WNK1: variants seen among roughly 807,000 people sequenced by gnomAD.
WNK1 encodes serine/threonine-protein kinase WNK1.
Under a neutral mutation model 222.8 loss-of-function variants are expected in WNK1, and 38 were observed. That is an observed-to-expected ratio of 0.17 (90% CI 0.13 to 0.22). The LOEUF is 0.22. Ranked by LOEUF, WNK1 falls within the 10% of genes least tolerant of loss-of-function variation. The pLI is 1.00. For missense variants in WNK1, 2,348 were observed against 2,918.4 expected (o/e 0.80, Z 4.50); for synonymous variants, 1,090 against 1,092.9 (o/e 1.00, Z 0.05).
chr12:792,139 A>T (rs766157203), intron 1 of WNK1, among the ~76,000 whole-genome samples: 1 of 152,258 alleles, frequency 6.6e-6, no homozygotes, highest in South Asian at 2.1e-4. Context: ...TTGTCAAGGC[A>T]AAGTTTTTTG....
chr12:890,484 C>T lies in WNK1; in HGVS notation c.5480C>T (p.Thr1827Ile), dbSNP rs760439565. ...TCCATGGCGGCTCCAACAGCAATCA[C>T]AGAAGCAGGAACACAGCCTCAGAAG... is the stretch of plus-strand genomic sequence containing the variant. ...PVSMAAPTAI[T>I]EAGTQPQKGV... Residue 1827 changes from threonine (T) to isoleucine (I), a missense_variant, in exon 22 of 28, where the codon ACA (threonine) becomes ATA (isoleucine). By Grantham distance (89) the Thr-to-Ile change is moderately conservative. Coordinates refer to ENST00000315939, the MANE Select transcript of WNK1 (RefSeq NM_018979.4). The T allele has an allele frequency of 1.4e-5, 22 of 1,614,152 alleles. No individual in the cohort carries two copies. The highest frequency in any genetic ancestry group is 1.8e-5 in the Non-Finnish European group (21 of 1,180,018).
chr12:842,469 C>G (rs2154043301), intron 4 of WNK1, among the ~76,000 whole-genome samples: 2 of 152,222 alleles, frequency 1.3e-5, no homozygotes, highest in Middle Eastern at 3.4e-3. Flanking sequence ...CATTATGGGG[C>G]TAGGTCTGTA....
intron 15 of WNK1, 44 bp from the exon 16 acceptor site, chr12:883,351 T>G: frequency 1.2e-6 from 2 of 1,605,388 alleles, no homozygotes; most frequent in Non-Finnish European, 1.7e-6. Context: ...ACATAAAGTT[T>G]GAGAAATGAC....
Position 885,098 on chromosome 12 carries a change from C to A in WNK1, c.4294C>A (p.Gln1432Lys). 9 of 1,614,238 alleles carry A rather than the reference C, an allele frequency of 5.6e-6. No individual in the cohort carries two copies. Among genetic ancestry groups the A allele is most frequent in the Non-Finnish European group, 7.6e-6 (9 of 1,180,034 alleles). ...AATATCTACTACATCCCCGTCACTTCAAGTCCCCACATCCACATCTGAGAT... is the reference window on the plus strand; with the variant it reads ...AATATCTACTACATCCCCGTCACTTAAAGTCCCCACATCCACATCTGAGAT... ...VSISTTSPSL[Q>K]VPTSTSEIVV... Residue 1432 changes from glutamine to lysine, a missense_variant, in exon 19 of 28, where the codon CAA becomes AAA. Physicochemically the swap from Gln to Lys is moderately conservative, Grantham distance 53. Around this residue, in one of 13 missense-constraint regions of WNK1, gnomAD observed 1,144 missense variants for 1,273.6 expected, o/e 0.90. Transcript: ENST00000315939.
intron 2 of WNK1, among the ~76,000 whole-genome samples, chr12:817,877 C>T (rs989410424): frequency 6.6e-6 from 1 of 151,676 alleles, no homozygotes; most frequent in Non-Finnish European, 1.5e-5. Context: ...CGCTTGACCC[C>T]GGAAGTGGAG....
intron 1 of WNK1, among the ~76,000 whole-genome samples, chr12:807,748 C>G (rs984097322): frequency 1.9e-5 from 2 of 105,828 alleles, no homozygotes; most frequent in Non-Finnish European, 3.5e-5. Flanking sequence ...GAGACGGAAT[C>G]TGGCTCTGTG....
At chr12:786,730 G>C (rs947305394) in intron 1 of WNK1, among the ~76,000 whole-genome samples, 12 of 152,150 alleles carry the variant, frequency 7.9e-5, no homozygotes, top group African/African-American at 2.9e-4. Context: ...GCCTCCCAAA[G>C]TGCTGGGATT....
rs538136700 is a variant in WNK1 at position 778,621 on chromosome 12, G to C, written c.759+24297G>C. Among the ~76,000 whole-genome samples the C allele has an allele frequency of 2.7e-4, 41 of 150,094 alleles. 1 individual carries two copies. Among genetic ancestry groups the C allele is most frequent in the Admixed American group, 4.0e-4 (6 of 14,982 alleles). On this transcript the variant is annotated intron_variant, in intron 1 of 27. Transcript: ENST00000315939. ...GCTGGGATTACAGGTGTGAGCCACC[G>C]TGCCCGGCCAATGATCTTTTTTTTT...
chr12:827,581 T>C lies in WNK1; in HGVS notation c.1153+319T>C, dbSNP rs1948455923. ...TCTCTCTCTGTCACCCAGGCTAGAG[T>C]GCAGTGGCACAATCTCAGCTCACTG... On this transcript the variant is annotated intron_variant, in intron 3 of 27. Coordinates refer to ENST00000315939, the MANE Select transcript of WNK1 (RefSeq NM_018979.4). This position sits in a 1 kb window ranked among gnomAD's most constrained non-coding sequence, Gnocchi z 4.6. The C allele has an allele frequency of 1.8e-5, 7 of 397,264 alleles. No individual in the cohort carries two copies. The South Asian group carries it at 2.5e-4, about 14-fold the overall frequency. 24.6% of individuals were successfully genotyped at this position (397,264 alleles called of 1,614,324 possible).
intron 1 of WNK1, among the ~76,000 whole-genome samples, chr12:788,839 A>T (rs1333136067): frequency 1.3e-5 from 2 of 151,340 alleles, no homozygotes; most frequent in East Asian, 3.9e-4. Context: ...GTGAGCCGAG[A>T]TCGTGCCACT....
At chr12:810,372 C>T (rs1172129727) in intron 1 of WNK1, among the ~76,000 whole-genome samples, 1 of 152,094 alleles carries the variant, frequency 6.6e-6, no homozygotes, top group Non-Finnish European at 1.5e-5. Flanking sequence ...ACACTTTTCT[C>T]CACCCATATT....
chr12:757,927 C>T (rs980960546), intron 1 of WNK1, among the ~76,000 whole-genome samples: 9 of 144,530 alleles, frequency 6.2e-5, no homozygotes, highest in African/African-American at 2.2e-4. Context: ...CCCAGCTACT[C>T]GAGAGGCTGA....
At chr12:857,825 C>T (rs1006172995) in intron 5 of WNK1, among the ~76,000 whole-genome samples, 5 of 152,340 alleles carry the variant, frequency 3.3e-5, no homozygotes, top group Admixed American at 2.0e-4. Flanking sequence ...GTAGCTGATT[C>T]ATCACCCGTC....
intron 1 of WNK1, among the ~76,000 whole-genome samples, chr12:811,041 G>A (rs1056292284): frequency 6.6e-6 from 1 of 152,092 alleles, no homozygotes; most frequent in Non-Finnish European, 1.5e-5. Context: ...TTATATTGAA[G>A]GTAATGAATG....
At chr12:851,574 A>G in intron 4 of WNK1, 1 of 1,196,028 alleles carries the variant, frequency 8.4e-7, no homozygotes, top group Non-Finnish European at 1.1e-6. Flanking sequence ...AGTGTTAAAC[A>G]AGAAACTGTG....
intron 5 of WNK1, among the ~76,000 whole-genome samples, chr12:858,274 C>G (rs1950939957): frequency 6.6e-6 from 1 of 151,796 alleles, no homozygotes; most frequent in Non-Finnish European, 1.5e-5. Flanking sequence ...ACTGCAACCT[C>G]TGCCTTCCAG....
chr12:895,585 A>G (rs1954668383), intron 23 of WNK1, among the ~76,000 whole-genome samples: 1 of 152,016 alleles, frequency 6.6e-6, no homozygotes, highest in Admixed American at 6.6e-5. Flanking sequence ...CAGCCTCCCA[A>G]GTAGCTGGGA....
At chr12:829,210 T>G (rs72648625) in intron 3 of WNK1, among the ~76,000 whole-genome samples, 9 of 152,308 alleles carry the variant, frequency 5.9e-5, no homozygotes, top group Admixed American at 2.0e-4. Flanking sequence ...TCTGGAAGCA[T>G]TACAAAACCT....
chr12:807,335 C>G (rs1946459787), intron 1 of WNK1, among the ~76,000 whole-genome samples: 2 of 145,078 alleles, frequency 1.4e-5, no homozygotes, highest in Non-Finnish European at 3.0e-5. Context: ...AGTCCTCCCT[C>G]TTTTGCTTTT....
Sources: gnomAD v4.1 joint callset for allele counts (sites outside exome capture counted in the v4.1 genomes callset) on GRCh38, gnomAD v4.1.1 for gene constraint, gnomAD v4.1.1 regional missense constraint, Gnocchi (gnomAD v3.1) non-coding constraint, MANE v1.5 for transcripts, NCBI Gene and HGNC (gene_info 2026-07-23, HGNC 2026-07-21) for gene names.